CMC1: variants seen among roughly 807,000 people sequenced by gnomAD.
The protein encoded by CMC1 is COX assembly mitochondrial protein homolog.
Under a neutral mutation model 14.1 loss-of-function variants are expected in CMC1, and 14 were observed. The ratio of observed to expected loss-of-function variants is 0.99; its 90% CI spans 0.66 to 1.55. The LOEUF is 1.55. CMC1 is among the 40% of genes most tolerant of loss of function. CMC1 has a pLI of 0.00. For synonymous variants in CMC1, 50 were observed against 38.4 expected (o/e 1.30, Z -1.12); for missense variants, 127 against 123.8 (o/e 1.03, Z -0.12).
At position 28,316,685 on chromosome 3, in the gene CMC1, C is replaced by A. The variant is rs1257690880; in HGVS notation, c.200+262C>A. 2.4e-5 allele frequency: 6 copies of A among 247,534 alleles called. 1 individual carries two copies. Among genetic ancestry groups the A allele is most frequent in the Non-Finnish European group, 3.1e-5 (4 of 130,042 alleles). The allele number at this position is 247,534 out of a possible 1,614,324, so 15.3% of individuals were successfully genotyped here. A position where few individuals can be genotyped will look rare whatever the true frequency, so the allele number is the denominator to read the frequency against. On this transcript the variant is annotated intron_variant, in intron 3 of 3. Transcript: ENST00000466830. ...TATGATTTTTCACTATTTAATAAAT[C>A]TTTTTTCATGAACAGTTTGATCTGT...
chr3:28,256,241 C>A (rs1699402611), intron 1 of CMC1, among the ~76,000 whole-genome samples: 1 of 151,300 alleles, frequency 6.6e-6, no homozygotes, highest in South Asian at 2.1e-4. Context: ...AGAGATCTTG[C>A]AAGAAATTGG....
chr3:28,316,240 T>G (rs1702906986), intron 2 of CMC1, 93 bp from the exon 3 acceptor site: 2 of 640,108 alleles, frequency 3.1e-6, no homozygotes, highest in Non-Finnish European at 5.1e-6. Context: ...TGACAGGCTT[T>G]CTTTTTTTTT....
Position 28,321,297 on chromosome 3 carries a change from G to C in CMC1, c.*1668G>C, listed in dbSNP as rs1438832173. 1 of 151,342 alleles carries C rather than the reference G, an allele frequency of 6.6e-6. No individual in the cohort carries two copies. Among genetic ancestry groups the C allele is most frequent in the Admixed American group, 6.6e-5 (1 of 15,138 alleles). 9.4% of individuals were successfully genotyped at this position (151,342 alleles called of 1,614,324 possible). On this transcript the variant is annotated 3_prime_UTR_variant, in exon 4 of 4. Coordinates refer to ENST00000466830, the MANE Select transcript of CMC1 (RefSeq NM_182523.2). ...TTTTTAGAGATAAATGAAAATGGAA[G>C]AGTTACTTTAAGAAGCTAGTGAAAT...
chr3:28,315,643 C>A (rs150043127), intron 2 of CMC1, among the ~76,000 whole-genome samples: 1 of 152,116 alleles, frequency 6.6e-6, no homozygotes, highest in Non-Finnish European at 1.5e-5. Flanking sequence ...AATATACAGT[C>A]GTGCACTGCA....
intron 2 of CMC1, among the ~76,000 whole-genome samples, chr3:28,305,626 C>G (rs1462443958): frequency 6.6e-6 from 1 of 152,016 alleles, no homozygotes; most frequent in Non-Finnish European, 1.5e-5. Flanking sequence ...TCTAGGTTGT[C>G]TGTTTACCCT....
chr3:28,269,514 T>C (rs113107621), intron 2 of CMC1, among the ~76,000 whole-genome samples: 4 of 152,236 alleles, frequency 2.6e-5, no homozygotes, highest in Admixed American at 6.5e-5. Context: ...GGTAAACTTG[T>C]GCCATGGTGG....
At chr3:28,248,973 G>A (rs56029590) in intron 1 of CMC1, among the ~76,000 whole-genome samples, 23,551 of 152,074 alleles carry the variant, frequency 0.15, 2,487 homozygotes, top group East Asian at 0.47. Context: ...TGTATTTTTA[G>A]TAGAGATGGG....
chr3:28,281,965 T>A (rs1424985935), intron 2 of CMC1, among the ~76,000 whole-genome samples: 1 of 152,110 alleles, frequency 6.6e-6, no homozygotes, highest in Non-Finnish European at 1.5e-5. Context: ...AGATAAAGAC[T>A]GAGAGTCAAG....
intron 2 of CMC1, among the ~76,000 whole-genome samples, chr3:28,266,438 A>T (rs1700008884): frequency 6.6e-6 from 1 of 152,106 alleles, no homozygotes; most frequent in South Asian, 2.1e-4. Context: ...AAATGGTGTC[A>T]ACTCTTGAAT....
rs1703190214 is a variant in CMC1 at position 28,321,554 on chromosome 3, C to A, written c.*1925C>A. 1.3e-5 allele frequency: 2 copies of A among 151,456 alleles called. No individual in the cohort carries two copies. Among genetic ancestry groups the A allele is most frequent in the Middle Eastern group, 3.4e-3 (1 of 292 alleles). The allele number at this position is 151,456 out of a possible 1,614,324, so 9.4% of individuals were successfully genotyped here. A position where few individuals can be genotyped will look rare whatever the true frequency, so the allele number is the denominator to read the frequency against. On this transcript the variant is annotated 3_prime_UTR_variant, in exon 4 of 4. Coordinates refer to ENST00000466830, the MANE Select transcript of CMC1 (RefSeq NM_182523.2). ...CCTGGTACATCTGTCTCAGTTGTGT[C>A]TTGCTTGCTTATGGGTGCCTCTGTT...
At chr3:28,315,790 C>A (rs1213719762) in intron 2 of CMC1, 1 of 152,102 alleles carries the variant, frequency 6.6e-6, no homozygotes, top group East Asian at 1.9e-4. Flanking sequence ...TTATAATTGC[C>A]TGCAGTATTC....
rs577419362 is a variant in CMC1, at chr3:28,273,995, G to C, written c.109+10615G>C. On this transcript the variant is annotated intron_variant, in intron 2 of 3. Transcript: ENST00000466830. ...GCCTATGTGTGCCTTGGCATGTAAA[G>C]TGGGTCTCTTGAATACAGCACACTA... Among the ~76,000 whole-genome samples, 15 of 152,212 alleles carry C rather than the reference G, an allele frequency of 9.9e-5. No homozygotes were observed. The East Asian group carries it at 2.9e-3, about 30-fold the overall frequency.
chr3:28,320,149 T>C lies in CMC1; in HGVS notation c.*520T>C, dbSNP rs1484435547. On this transcript the variant is annotated 3_prime_UTR_variant, in exon 4 of 4. Transcript: ENST00000466830. ...TTGCATATAGCAGGTACACGTACAG[T>C]GTATAAGACAGTGCTTCAGACCTGG... The C allele has an allele frequency of 6.6e-6, 1 of 151,810 alleles. No individual in the cohort carries two copies. Among genetic ancestry groups the C allele is most frequent in the Non-Finnish European group, 1.5e-5 (1 of 67,874 alleles). The allele number at this position is 151,810 out of a possible 1,614,324, so 9.4% of individuals were successfully genotyped here.
At chr3:28,241,893 C>T (rs1698540600) in intron 1 of CMC1, 81 bp downstream of exon 1, 1 of 1,209,656 alleles carries the variant, frequency 8.3e-7, no homozygotes, top group Non-Finnish European at 1.0e-6. Flanking sequence ...GGATGCCGAC[C>T]TGGGAAAGGT....
At chr3:28,250,785 A>G (rs1002227953) in intron 1 of CMC1, among the ~76,000 whole-genome samples, 1 of 152,224 alleles carries the variant, frequency 6.6e-6, no homozygotes. Context: ...CATAAACACT[A>G]TCTTTAAAGG....
intron 2 of CMC1, among the ~76,000 whole-genome samples, chr3:28,300,906 T>G (rs1702009107): frequency 6.6e-6 from 1 of 151,034 alleles, no homozygotes; most frequent in African/African-American, 2.4e-5. Context: ...ATTATGTACT[T>G]GCAGACATAC....
At position 28,274,212 on chromosome 3, in the gene CMC1, G is replaced by GTTTTTTTTTTTTTTTTTTTTTT. The variant is rs376321066; in HGVS notation, c.109+10839_109+10840insTTTTTTTTTTTTTTTTTTTTTT. Among the ~76,000 whole-genome samples the GTTTTTTTTTTTTTTTTTTTTTT allele has an allele frequency of 1.8e-4, 16 of 88,196 alleles. 1 individual carries two copies. The highest frequency in any genetic ancestry group is 1.1e-3 in the East Asian group (3 of 2,758). 57.9% of individuals were successfully genotyped at this position (88,196 alleles called of 152,430 possible). Reference sequence around the variant, plus strand: ...TTGGTCTTTGTACTAAAGTGTTTTTGTTTTTTTCTTTTTTTTTTTTTTTGC... The same window carrying GTTTTTTTTTTTTTTTTTTTTTT: ...TTGGTCTTTGTACTAAAGTGTTTTTGTTTTTTTTTTTTTTTTTTTTTTTTTTTTTCTTTTTTTTTTTTTTTGC... On this transcript the variant is annotated intron_variant, in intron 2 of 3. Transcript: ENST00000466830.
intron 1 of CMC1, among the ~76,000 whole-genome samples, chr3:28,249,815 T>C (rs1699033796): frequency 6.6e-6 from 1 of 152,196 alleles, no homozygotes; most frequent in Admixed American, 6.5e-5. Flanking sequence ...ACATTAATTT[T>C]TTTTACTATT....
intron 2 of CMC1, among the ~76,000 whole-genome samples, chr3:28,280,086 G>T (rs779863737): frequency 6.6e-6 from 1 of 152,160 alleles, no homozygotes; most frequent in Non-Finnish European, 1.5e-5. Flanking sequence ...ACAAACTACT[G>T]TTCTGTACGA....
Sources: allele counts gnomAD v4.1 joint callset (sites outside exome capture counted in the v4.1 genomes callset), GRCh38; gene constraint gnomAD v4.1.1; transcripts MANE v1.5; gene names NCBI Gene and HGNC (gene_info 2026-07-23, HGNC 2026-07-21).